Variants in TMEM165 observed in about 807,000 individuals in gnomAD.
TMEM165 encodes the protein transmembrane protein 165.
A neutral mutation model predicts 30.0 loss-of-function variants in TMEM165; 19 were observed. That is an observed-to-expected ratio of 0.63 (90% CI 0.44 to 0.93). TMEM165 has a LOEUF of 0.93. Among genes scored for constraint, TMEM165 ranks in the 40% least tolerant of loss-of-function variants. TMEM165 has a pLI of 0.00. For missense variants in TMEM165, 340 were observed against 417.0 expected (o/e 0.82, Z 1.61); for synonymous variants, 168 against 162.9 (o/e 1.03, Z -0.24).
intron 2 of TMEM165, among the ~76,000 whole-genome samples, chr4:55,414,987 G>T (rs372817524): frequency 2.6e-5 from 4 of 152,150 alleles, no homozygotes; most frequent in African/African-American, 9.7e-5. Context: ...TTTCTTTTCT[G>T]TGTTGTCTTC....
At position 55,444,578 on chromosome 4, in the gene TMEM165, T is replaced by C. The variant is rs538622546; in HGVS notation, c.409-7661T>C. 1.6e-4 allele frequency: 256 copies of C among 1,610,954 alleles called. No individual in the cohort carries two copies. In the Admixed American group the frequency reaches 4.2e-3, roughly 26 times the overall value. ...TTTAATTAAGAAAAGTTAATTTTCCTAGAAATCCAAAATGTGAATGGGATG... is the reference window on the plus strand; with the variant it reads ...TTTAATTAAGAAAAGTTAATTTTCCCAGAAATCCAAAATGTGAATGGGATG... On this transcript the variant is annotated intron_variant, in intron 3 of 3. Transcript: ENST00000608091.
rs748593679 is a variant in TMEM165 at position 55,425,355 on chromosome 4, CT to C, written c.899-14del. On this transcript the variant is annotated intron_variant, in intron 5 of 5. Transcript: ENST00000381334. Reference sequence around the variant, plus strand: ...GGTATAGGAATTTTACTGTATTTGACTTTTTTTCTCTCTCTTCCAGTGACAA... The same window carrying C: ...GGTATAGGAATTTTACTGTATTTGACTTTTTTCTCTCTCTTCCAGTGACAA... 1 of 1,605,578 alleles carries C rather than the reference CT, an allele frequency of 6.2e-7. No individual in the cohort carries two copies. The highest frequency in any genetic ancestry group is 1.1e-5 in the South Asian group (1 of 90,446).
chr4:55,440,675 C>G (rs761042933), intron 3 of TMEM165, among the ~76,000 whole-genome samples: 3 of 152,206 alleles, frequency 2.0e-5, no homozygotes, highest in African/African-American at 7.2e-5. Flanking sequence ...CACAGAAGTA[C>G]TAAGTGCTGA....
At chr4:55,417,024 G>T in intron 2 of TMEM165, 48 bp from the exon 3 acceptor site, 1 of 1,474,538 alleles carries the variant, frequency 6.8e-7, no homozygotes, top group Non-Finnish European at 9.1e-7. Context: ...TGTTCCCTTG[G>T]TCGTGATACA....
downstream of TMEM165, chr4:55,427,918 A>AAAT (rs2109576266): frequency 6.6e-6 from 1 of 152,346 alleles, no homozygotes; most frequent in South Asian, 2.1e-4. Context: ...AGTGATCTTA[A>AAAT]AATATTTAAT....
At chr4:55,427,659 C>G (rs987419797), downstream of TMEM165, among the ~76,000 whole-genome samples, 20 of 148,348 alleles carry the variant, frequency 1.3e-4, no homozygotes, top group Admixed American at 2.7e-4. Context: ...TTTCTAATAA[C>G]AACAGAAAAG....
At chr4:55,448,653 T>A in intron 3 of TMEM165, 4 of 547,320 alleles carry the variant, frequency 7.3e-6, no homozygotes, top group Non-Finnish European at 1.4e-5. Flanking sequence ...TGCTCCTACC[T>A]CAGCCTCCCA....
Position 55,396,315 on chromosome 4 carries a change from G to T in TMEM165, c.126G>T (p.Arg42=). ...GCCCAGATGAAGACCTTAGCCACCG[G>T]AACAAAGAACCGCCGGCGCCGGCCC... ...RAGPDEDLSH[R]NKEPPAPAQQ... is the part of the protein sequence containing the mutation. The change falls in exon 1 of 6, where the codon CGG becomes CGT. Residue 42 remains arginine, a synonymous_variant. Coordinates refer to ENST00000381334, the MANE Select transcript of TMEM165 (RefSeq NM_018475.5). The T allele has an allele frequency of 6.6e-7, 1 of 1,525,040 alleles. No individual in the cohort carries two copies. The highest frequency in any genetic ancestry group is 1.4e-5 in the African/African-American group (1 of 70,166). The allele number at this position is 1,525,040 out of a possible 1,614,324, so 94.5% of individuals were successfully genotyped here.
intron 1 of TMEM165, among the ~76,000 whole-genome samples, chr4:55,405,838 T>A (rs1721247796): frequency 6.6e-6 from 1 of 152,218 alleles, no homozygotes; most frequent in African/African-American, 2.4e-5. Flanking sequence ...ATGTAATGAC[T>A]TCCCTCTTGC....
intron 3 of TMEM165, among the ~76,000 whole-genome samples, chr4:55,451,122 C>T (rs976718306): frequency 1.3e-5 from 2 of 152,024 alleles, no homozygotes; most frequent in African/African-American, 2.4e-5. Flanking sequence ...TGTAGCAAAA[C>T]CCCTCCCTAT....
chr4:55,427,010 A>C (rs1010390604), downstream of TMEM165, among the ~76,000 whole-genome samples: 6 of 151,270 alleles, frequency 4.0e-5, no homozygotes, highest in Admixed American at 1.3e-4. Context: ...TTTGTTATAA[A>C]GAAAGAGTGA....
At chr4:55,406,980 A>T (rs1045474885) in intron 1 of TMEM165, among the ~76,000 whole-genome samples, 1 of 152,242 alleles carries the variant, frequency 6.6e-6, no homozygotes, top group Non-Finnish European at 1.5e-5. Flanking sequence ...TTGTCTCTTT[A>T]TTACAAATGA....
intron 3 of TMEM165, chr4:55,435,563 G>A (rs1722811072): frequency 6.2e-7 from 1 of 1,614,008 alleles, no homozygotes. Flanking sequence ...AATGAGTTGA[G>A]TTGAGGGATT....
rs56157186 is a variant in TMEM165, at chr4:55,445,582, C to CTTTTTTTTTTTTTTTTTTTTTTT, written c.409-6653_409-6631dup. On this transcript the variant is annotated intron_variant, in intron 3 of 3. Transcript: ENST00000608091. Reference sequence around the variant, plus strand: ...TCTCTGCATCTGCTATTTCTATATTCTTTTTTTTTTTTTTTTTTTTTTTTT... The same window carrying CTTTTTTTTTTTTTTTTTTTTTTT: ...TCTCTGCATCTGCTATTTCTATATTCTTTTTTTTTTTTTTTTTTTTTTTTTTTTTTTTTTTTTTTTTTTTTTTT... Among the ~76,000 whole-genome samples, 67 of 68,586 alleles carry CTTTTTTTTTTTTTTTTTTTTTTT rather than the reference C, an allele frequency of 9.8e-4. 14 individuals are homozygous for CTTTTTTTTTTTTTTTTTTTTTTT. The highest frequency in any genetic ancestry group is 1.5e-3 in the East Asian group (3 of 2,020). The allele number at this position is 68,586 out of a possible 152,430, so 45.0% of individuals were successfully genotyped here.
intron 2 of TMEM165, among the ~76,000 whole-genome samples, chr4:55,413,381 C>G (rs2109545137): frequency 6.6e-6 from 1 of 152,142 alleles, no homozygotes; most frequent in South Asian, 2.1e-4. Context: ...GTGGCATGAT[C>G]CCGACTCACT....
chr4:55,399,647 C>T (rs879258194), intron 1 of TMEM165, among the ~76,000 whole-genome samples: 2 of 152,098 alleles, frequency 1.3e-5, no homozygotes, highest in African/African-American at 4.8e-5. Context: ...AAAATCTAGC[C>T]ATGCAGAATG....
chr4:55,439,679 A>ATTT (rs1339734786), intron 3 of TMEM165, among the ~76,000 whole-genome samples: 2 of 152,304 alleles, frequency 1.3e-5, no homozygotes, highest in African/African-American at 4.8e-5. Context: ...TAGCCTTAAA[A>ATTT]AGGAAAGAAA....
Position 55,436,676 on chromosome 4 carries a change from CAG to C in TMEM165, c.408+12036_408+12037del, listed in dbSNP as rs139917175. 9.4e-3 allele frequency among the ~76,000 whole-genome samples: 1,436 copies of C among 152,248 alleles called. 27 individuals are homozygous for C. Among genetic ancestry groups the C allele is most frequent in the African/African-American group, 0.033 (1,369 of 41,530 alleles). On this transcript the variant is annotated intron_variant, in intron 3 of 3. Transcript: ENST00000608091. ...ACTACTACACTTTGTCAAGGATCTTCAGAGTTTTCTTTCTCTCTTTGTTATTA... is the reference window on the plus strand; with the variant it reads ...ACTACTACACTTTGTCAAGGATCTTCAGTTTTCTTTCTCTCTTTGTTATTA...
intron 1 of TMEM165, among the ~76,000 whole-genome samples, chr4:55,401,715 G>C (rs1034191317): frequency 2.0e-5 from 3 of 150,434 alleles, no homozygotes; most frequent in Non-Finnish European, 2.9e-5. Flanking sequence ...TAAGATTGAG[G>C]CAATCAGTTA....
Sources: allele counts gnomAD v4.1 joint callset (sites outside exome capture counted in the v4.1 genomes callset), GRCh38; gene constraint gnomAD v4.1.1; transcripts MANE v1.5; gene names NCBI Gene and HGNC (gene_info 2026-07-23, HGNC 2026-07-21).